Variants in ZDHHC14 observed in about 807,000 individuals in gnomAD.
ZDHHC14 encodes the protein zDHHC palmitoyltransferase 14.
A neutral mutation model predicts 47.7 loss-of-function variants in ZDHHC14; 16 were observed. The observed-to-expected ratio is 0.34, with a 90% CI of 0.23 to 0.51. The LOEUF (loss-of-function observed/expected upper bound fraction) is 0.51. Ranked by LOEUF, ZDHHC14 falls within the 20% of genes least tolerant of loss-of-function variation. ZDHHC14 has a pLI of 0.97. For synonymous variants in ZDHHC14, 293 were observed against 278.9 expected (o/e 1.05, Z -0.50); for missense variants, 515 against 662.5 (o/e 0.78, Z 2.44).
chr6:157,505,568 C>T (rs1036030799), intron 1 of ZDHHC14, among the ~76,000 whole-genome samples: 39 of 152,074 alleles, frequency 2.6e-4, no homozygotes, highest in African/African-American at 9.2e-4. Flanking sequence ...AATGAATTAA[C>T]AATTTATGAG....
At chr6:157,550,374 G>A (rs1354351656) in intron 2 of ZDHHC14, among the ~76,000 whole-genome samples, 1 of 151,880 alleles carries the variant, frequency 6.6e-6, no homozygotes, top group African/African-American at 2.4e-5. Context: ...GTGTCACACA[G>A]ACATTCTAGA....
At chr6:157,574,966 TG>T (rs1172105677) in intron 2 of ZDHHC14, among the ~76,000 whole-genome samples, 2 of 152,136 alleles carry the variant, frequency 1.3e-5, no homozygotes, top group African/African-American at 2.4e-5. Context: ...AATATATGTA[TG>T]GGGGGCAGGG....
chr6:157,511,128 T>G (rs928542494), intron 1 of ZDHHC14, among the ~76,000 whole-genome samples: 1 of 152,086 alleles, frequency 6.6e-6, no homozygotes, highest in Admixed American at 6.6e-5. Flanking sequence ...GCTCTTTTTG[T>G]GTGGGTTCCA....
intron 2 of ZDHHC14, among the ~76,000 whole-genome samples, chr6:157,551,038 T>C (rs1469159326): frequency 1.3e-5 from 2 of 152,100 alleles, no homozygotes; most frequent in African/African-American, 4.8e-5. Flanking sequence ...CCAAGTGGCA[T>C]GAAGAGGATG....
Position 157,466,849 on chromosome 6 carries a change from C to CA in ZDHHC14, c.246-75728dup, listed in dbSNP as rs1053694872. ...AGACTCTTTCTCAAAAAACAAAAAA[C>CA]AAAAAAAATTATTATTTTTTTCTTG... is the stretch of plus-strand genomic sequence containing the variant. On this transcript the variant is annotated intron_variant, in intron 1 of 8. Transcript: ENST00000359775. Among the ~76,000 whole-genome samples the CA allele has an allele frequency of 1.2e-4, 18 of 150,972 alleles. No individual in the cohort carries two copies. In the East Asian group the frequency reaches 1.4e-3, roughly 11 times the overall value.
chr6:157,501,863 C>G (rs1780199963), intron 1 of ZDHHC14, among the ~76,000 whole-genome samples: 1 of 152,144 alleles, frequency 6.6e-6, no homozygotes, highest in African/African-American at 2.4e-5. Flanking sequence ...TTGAATGATG[C>G]CTTACTTCTC....
rs1030304711 is a variant in ZDHHC14, at chr6:157,607,171, G to A, written c.565+14025G>A. ...AGAAACATGCTGGGAAGGGGTTCAC[G>A]GGCCTCAGCGGAATGCTGAGGGCTT... On this transcript the variant is annotated intron_variant, in intron 3 of 8. Transcript: ENST00000359775. 5.3e-5 allele frequency among the ~76,000 whole-genome samples: 8 copies of A among 152,148 alleles called. No individual in the cohort carries two copies. In the South Asian group the frequency reaches 6.2e-4, roughly 12 times the overall value.
At chr6:157,419,370 A>C (rs1778051889) in intron 1 of ZDHHC14, among the ~76,000 whole-genome samples, 1 of 152,210 alleles carries the variant, frequency 6.6e-6, no homozygotes, top group African/African-American at 2.4e-5. Flanking sequence ...CAGAAAGGCT[A>C]TTTTGTATGA....
chr6:157,539,614 C>T (rs540289553), intron 1 of ZDHHC14, among the ~76,000 whole-genome samples: 2 of 152,068 alleles, frequency 1.3e-5, no homozygotes, highest in South Asian at 2.1e-4. Flanking sequence ...TAGGTTCCCC[C>T]GGGGCGTCCA....
chr6:157,632,411 T>G (rs1785786695), intron 4 of ZDHHC14: 1 of 175,042 alleles, frequency 5.7e-6, no homozygotes, highest in African/African-American at 2.4e-5. Context: ...TTGTTTACTC[T>G]GGGTGTAGAA....
chr6:157,416,930 C>CA (rs757028381), intron 1 of ZDHHC14, among the ~76,000 whole-genome samples: 2 of 144,006 alleles, frequency 1.4e-5, no homozygotes, highest in Non-Finnish European at 3.0e-5. Flanking sequence ...CCTCAGCTCC[C>CA]AAGTAGTTGG....
At chr6:157,481,849 C>T (rs1023867379) in intron 1 of ZDHHC14, among the ~76,000 whole-genome samples, 1 of 152,198 alleles carries the variant, frequency 6.6e-6, no homozygotes, top group Non-Finnish European at 1.5e-5. Flanking sequence ...TACCTACCTA[C>T]CTACATATTA....
At chr6:157,619,256 T>C (rs1248891128) in intron 3 of ZDHHC14, among the ~76,000 whole-genome samples, 1 of 149,290 alleles carries the variant, frequency 6.7e-6, no homozygotes, top group African/African-American at 2.5e-5. Context: ...CCGGGCATGG[T>C]GTTGCATGCC....
intron 2 of ZDHHC14, among the ~76,000 whole-genome samples, chr6:157,573,759 G>A (rs1783189970): frequency 6.6e-6 from 1 of 152,144 alleles, no homozygotes; most frequent in African/African-American, 2.4e-5. Flanking sequence ...TTTGTTTCCA[G>A]TACTCTCCAT....
chr6:157,399,758 T>G (rs1191206468), intron 1 of ZDHHC14, among the ~76,000 whole-genome samples: 1 of 152,226 alleles, frequency 6.6e-6, no homozygotes, highest in Non-Finnish European at 1.5e-5. Context: ...CCATTCTCCA[T>G]GGCCCCTTTC....
At chr6:157,398,158 G>T (rs1277437986) in intron 1 of ZDHHC14, among the ~76,000 whole-genome samples, 1 of 151,972 alleles carries the variant, frequency 6.6e-6, no homozygotes, top group African/African-American at 2.4e-5. Context: ...ACAGTGACTG[G>T]ATTCAGTAGA....
intron 3 of ZDHHC14, among the ~76,000 whole-genome samples, chr6:157,608,972 C>T (rs527822687): frequency 2.2e-4 from 34 of 152,288 alleles, no homozygotes; most frequent in African/African-American, 7.2e-4. Context: ...CATTAAATTC[C>T]TGGAGTTGGG....
chr6:157,522,923 T>TCC lies in ZDHHC14; in HGVS notation c.246-19662_246-19661insCC, dbSNP rs1290520032. The stretch of plus-strand genomic sequence containing the variant: ...TTCCTTCCTTCCTTCCTTCCTTCCT[T>TCC]TCTTTCTTTCTTTCTTTCTTTCCTT... On this transcript the variant is annotated intron_variant, in intron 1 of 8. Transcript: ENST00000359775. 4.4e-4 allele frequency among the ~76,000 whole-genome samples: 25 copies of TCC among 57,036 alleles called. 2 individuals carry two copies. Among genetic ancestry groups the TCC allele is most frequent in the Admixed American group, 8.1e-4 (4 of 4,938 alleles). The allele number at this position is 57,036 out of a possible 152,430, so 37.4% of individuals were successfully genotyped here.
At chr6:157,420,063 G>C (rs1166944166) in intron 1 of ZDHHC14, among the ~76,000 whole-genome samples, 1 of 152,196 alleles carries the variant, frequency 6.6e-6, no homozygotes, top group Non-Finnish European at 1.5e-5. Context: ...CTTTTCATGT[G>C]CTTATTTGCC....
Sources: gnomAD v4.1 joint callset for allele counts (sites outside exome capture counted in the v4.1 genomes callset) on GRCh38, gnomAD v4.1.1 for gene constraint, MANE v1.5 for transcripts, NCBI Gene and HGNC (gene_info 2026-07-23, HGNC 2026-07-21) for gene names.